The following LINGO2 variants were observed in gnomAD, a reference collection of about 807,000 sequenced individuals.
LINGO2 encodes the protein leucine-rich repeat and immunoglobulin-like domain-containing nogo receptor-interacting protein 2.
A neutral mutation model predicts 30.6 loss-of-function variants in LINGO2; 14 were observed. The observed-to-expected ratio is 0.46, with a 90% CI of 0.30 to 0.72. The LOEUF is 0.72. LINGO2 is among the 30% of genes least tolerant of loss of function. LINGO2 has a pLI of 0.07. For missense variants in LINGO2, 729 were observed against 751.7 expected (o/e 0.97, Z 0.35); for synonymous variants, 317 against 288.5 (o/e 1.10, Z -1.00).
At chr9:28,652,235 T>C (rs2135976990) in intron 1 of LINGO2, among the ~76,000 whole-genome samples, 1 of 152,276 alleles carries the variant, frequency 6.6e-6, no homozygotes, top group South Asian at 2.1e-4. Context: ...AGACATAGGG[T>C]TTAAAAATAG....
chr9:29,030,903 G>A, the LINGO2 span, among the ~76,000 whole-genome samples: 1 of 152,100 alleles, frequency 6.6e-6, no homozygotes, highest in Non-Finnish European at 1.5e-5. Flanking sequence ...CCTATAATCA[G>A]GATACATCCT....
chr9:28,415,821 C>T (rs562648341), intron 2 of LINGO2, among the ~76,000 whole-genome samples: 1 of 152,182 alleles, frequency 6.6e-6, no homozygotes, highest in Admixed American at 6.5e-5. Context: ...TATATAGTGG[C>T]TGGCACATAG....
At chr9:29,026,751 T>A in the LINGO2 span, among the ~76,000 whole-genome samples, 1 of 152,148 alleles carries the variant, frequency 6.6e-6, no homozygotes, top group Non-Finnish European at 1.5e-5. Flanking sequence ...TCAGAGGAGA[T>A]ACTTAATTTT....
chr9:28,905,427 A>G, the LINGO2 span, among the ~76,000 whole-genome samples: 5 of 151,924 alleles, frequency 3.3e-5, no homozygotes, highest in African/African-American at 1.2e-4. Flanking sequence ...AAATATATCC[A>G]AACTTCAAAC....
the LINGO2 span, among the ~76,000 whole-genome samples, chr9:28,966,469 G>A: frequency 6.6e-6 from 1 of 152,004 alleles, no homozygotes; most frequent in African/African-American, 2.4e-5. Context: ...ATAAAGCAAG[G>A]TTGGTGATAA....
intron 3 of LINGO2, among the ~76,000 whole-genome samples, chr9:28,307,011 C>G (rs1824392009): frequency 6.6e-6 from 1 of 152,186 alleles, no homozygotes; most frequent in East Asian, 1.9e-4. Flanking sequence ...CAAGGAGGAA[C>G]TGGTACCATT....
the LINGO2 span, among the ~76,000 whole-genome samples, chr9:29,100,080 T>C: frequency 1.6e-4 from 24 of 152,282 alleles, no homozygotes; most frequent in Middle Eastern, 6.8e-3. Flanking sequence ...TTTGCAACAA[T>C]ATGGATGGAA....
intron 4 of LINGO2, among the ~76,000 whole-genome samples, chr9:28,226,644 A>T (rs1388737388): frequency 2.4e-5 from 1 of 42,198 alleles, no homozygotes; most frequent in East Asian, 9.7e-4. Flanking sequence ...GGAAAGAAGG[A>T]AAGAAAGAAA....
the LINGO2 span, among the ~76,000 whole-genome samples, chr9:29,019,681 C>T: frequency 6.6e-6 from 1 of 152,098 alleles, no homozygotes; most frequent in Non-Finnish European, 1.5e-5. Context: ...GTACTTTGAC[C>T]ATAATAGGTG....
intron 1 of LINGO2, among the ~76,000 whole-genome samples, chr9:28,548,278 C>G (rs1455326727): frequency 6.6e-6 from 1 of 152,100 alleles, no homozygotes; most frequent in Admixed American, 6.6e-5. Flanking sequence ...GGGGCTTACA[C>G]CTGTTTGAGG....
chr9:28,792,763 G>C, the LINGO2 span, among the ~76,000 whole-genome samples: 1 of 152,084 alleles, frequency 6.6e-6, no homozygotes, highest in African/African-American at 2.4e-5. Flanking sequence ...TGCATACCTA[G>C]AGTGCTTATG....
At chr9:28,403,713 C>T (rs1822372714) in intron 2 of LINGO2, among the ~76,000 whole-genome samples, 1 of 150,164 alleles carries the variant, frequency 6.7e-6, no homozygotes, top group African/African-American at 2.5e-5. Context: ...GAATAATATG[C>T]ATGAAACTTT....
chr9:28,527,075 GT>G (rs1319564524), intron 1 of LINGO2, among the ~76,000 whole-genome samples: 3 of 152,122 alleles, frequency 2.0e-5, no homozygotes, highest in African/African-American at 7.2e-5. Context: ...AAACATGTTT[GT>G]TTTCTTTTAC....
At chr9:28,257,441 A>G (rs1587339053) in intron 4 of LINGO2, among the ~76,000 whole-genome samples, 2 of 151,986 alleles carry the variant, frequency 1.3e-5, no homozygotes, top group South Asian at 2.1e-4. Flanking sequence ...GATTTAAAAG[A>G]TGGTCTTTAG....
intron 3 of LINGO2, among the ~76,000 whole-genome samples, chr9:28,354,749 T>A (rs1587527483): frequency 1.3e-5 from 2 of 152,308 alleles, no homozygotes; most frequent in South Asian, 4.1e-4. Flanking sequence ...ACCAATTTGT[T>A]CTACTGTATA....
the LINGO2 span, among the ~76,000 whole-genome samples, chr9:28,965,563 G>A: frequency 6.6e-6 from 1 of 151,942 alleles, no homozygotes; most frequent in African/African-American, 2.4e-5. Context: ...CTGAGAAAAG[G>A]AGATTTATAA....
intron 4 of LINGO2, among the ~76,000 whole-genome samples, chr9:28,286,997 GT>G (rs1165492604): frequency 6.6e-6 from 1 of 152,132 alleles, no homozygotes; most frequent in East Asian, 1.9e-4. Flanking sequence ...GTTAGCACAG[GT>G]TTAGATATTC....
intron 1 of LINGO2, chr9:28,598,751 A>G (rs1050234680): frequency 6.6e-6 from 1 of 152,218 alleles, no homozygotes; most frequent in Non-Finnish European, 1.5e-5. Flanking sequence ...GCTGTGCTAT[A>G]TACTTCATTC....
At chr9:28,457,719 C>G (rs1824908800) in intron 2 of LINGO2, among the ~76,000 whole-genome samples, 1 of 152,130 alleles carries the variant, frequency 6.6e-6, no homozygotes, top group South Asian at 2.1e-4. Flanking sequence ...GTATGAGTCA[C>G]TGTGCTGCAT....
Sources: gnomAD v4.1 joint callset for allele counts (sites outside exome capture counted in the v4.1 genomes callset) on GRCh38, gnomAD v4.1.1 for gene constraint, MANE v1.5 for transcripts, NCBI Gene and HGNC (gene_info 2026-07-23, HGNC 2026-07-21) for gene names.